ANXA4: variants seen among roughly 807,000 people sequenced by gnomAD.
ANXA4 encodes 35-beta calcimedin.
In ANXA4, 39 loss-of-function variants were observed where a neutral mutation model predicts 49.8. The observed-to-expected ratio is 0.78, with a 90% CI of 0.61 to 1.02. ANXA4 has a LOEUF of 1.02. Ranked by LOEUF, ANXA4 falls within the 50% of genes least tolerant of loss-of-function variation. The pLI is 0.00. For missense variants in ANXA4, 360 were observed against 410.1 expected (o/e 0.88, Z 1.05); for synonymous variants, 134 against 152.5 (o/e 0.88, Z 0.89).
chr2:69,754,527 T>A (rs1670972217), intron 1 of ANXA4, among the ~76,000 whole-genome samples: 1 of 152,150 alleles, frequency 6.6e-6, no homozygotes, highest in Non-Finnish European at 1.5e-5. Flanking sequence ...TCCCAGTAGC[T>A]GAGATTACAG....
intron 1 of ANXA4, among the ~76,000 whole-genome samples, chr2:69,744,308 A>AAAAC (rs565428337): frequency 2.0e-5 from 3 of 152,182 alleles, no homozygotes; most frequent in East Asian, 3.9e-4. Context: ...CCCTGTCTGA[A>AAAAC]AAACAAACAA....
intron 8 of ANXA4, among the ~76,000 whole-genome samples, chr2:69,814,489 C>T (rs1337117241): frequency 1.3e-5 from 2 of 151,498 alleles, no homozygotes; most frequent in Non-Finnish European, 2.9e-5. Flanking sequence ...GGACTACAGG[C>T]GTGTGCCATC....
chr2:69,747,581 A>G (rs1048871221), intron 1 of ANXA4, among the ~76,000 whole-genome samples: 3 of 152,060 alleles, frequency 2.0e-5, no homozygotes, highest in African/African-American at 7.2e-5. Context: ...CACACTTAAC[A>G]TTTTTCGTAC....
chr2:69,771,244 T>G (rs1173881790), intron 1 of ANXA4, among the ~76,000 whole-genome samples: 2 of 152,126 alleles, frequency 1.3e-5, no homozygotes, highest in African/African-American at 4.8e-5. Context: ...AAGGGAGTAT[T>G]AGATGGACAG....
intron 2 of ANXA4, among the ~76,000 whole-genome samples, chr2:69,664,730 C>T (rs1438657592): frequency 1.3e-5 from 2 of 152,176 alleles, no homozygotes; most frequent in Non-Finnish European, 2.9e-5. Flanking sequence ...CTACCTCAAT[C>T]AAGAGATGGC....
intron 1 of ANXA4, among the ~76,000 whole-genome samples, chr2:69,754,940 C>T (rs1336980821): frequency 6.6e-6 from 1 of 152,116 alleles, no homozygotes; most frequent in Non-Finnish European, 1.5e-5. Flanking sequence ...ATGTATCTTC[C>T]CTCCAGGCCT....
rs535621940 is a variant in ANXA4 at position 69,679,380 on chromosome 2, T to A, written n.766+26098T>A. Among the ~76,000 whole-genome samples, 18 of 152,322 alleles carry A rather than the reference T, an allele frequency of 1.2e-4. No individual in the cohort carries two copies. In the South Asian group the frequency reaches 3.7e-3, roughly 32 times the overall value. On this transcript the variant is annotated intron_variant and non_coding_transcript_variant, in intron 2 of 3. Transcript: ENST00000418066. ...AGTGGGATTACTTGAGTTGTTTGAG[T>A]TCCTTGTATAATCTGGATATAATTC...
intron 1 of ANXA4, among the ~76,000 whole-genome samples, chr2:69,752,356 T>C (rs1670878413): frequency 6.6e-6 from 1 of 152,222 alleles, no homozygotes; most frequent in Non-Finnish European, 1.5e-5. Context: ...TTTGCATCTG[T>C]TCCAGTGCCT....
intron 1 of ANXA4, among the ~76,000 whole-genome samples, chr2:69,755,145 C>T (rs1466602112): frequency 6.6e-6 from 1 of 152,112 alleles, no homozygotes; most frequent in Non-Finnish European, 1.5e-5. Flanking sequence ...TAGTCAAACT[C>T]ATAGAGACAG....
intron 2 of ANXA4, among the ~76,000 whole-genome samples, chr2:69,706,173 GGTTT>G (rs1437722579): frequency 1.3e-5 from 2 of 148,162 alleles, no homozygotes; most frequent in East Asian, 2.0e-4. Flanking sequence ...TTTTGATTTT[GGTTT>G]GTTTGTTAAA....
At chr2:69,690,997 T>C (rs1192045150) in intron 2 of ANXA4, among the ~76,000 whole-genome samples, 3 of 152,214 alleles carry the variant, frequency 2.0e-5, no homozygotes. Flanking sequence ...ATTCTAGAGA[T>C]GAAGGCTGTG....
chr2:69,781,974 G>T (rs1411694171), intron 2 of ANXA4, among the ~76,000 whole-genome samples: 5 of 152,206 alleles, frequency 3.3e-5, no homozygotes, highest in African/African-American at 1.2e-4. Context: ...ATCAAGAGGG[G>T]TGTTTCTTAA....
intron 2 of ANXA4, among the ~76,000 whole-genome samples, chr2:69,665,816 G>T (rs948085429): frequency 2.6e-5 from 4 of 152,186 alleles, no homozygotes; most frequent in African/African-American, 9.7e-5. Context: ...ATGGGGGAAA[G>T]CATGTGCAAG....
intron 3 of ANXA4, among the ~76,000 whole-genome samples, chr2:69,724,278 G>A (rs1241021558): frequency 2.0e-5 from 3 of 152,218 alleles, no homozygotes; most frequent in Non-Finnish European, 2.9e-5. Flanking sequence ...GCCAGGAGAA[G>A]GTACTATTGC....
chr2:69,811,783 A>C (rs1196980855), intron 7 of ANXA4, among the ~76,000 whole-genome samples: 1 of 152,128 alleles, frequency 6.6e-6, no homozygotes, highest in Non-Finnish European at 1.5e-5. Flanking sequence ...CCTGGAAATC[A>C]TCTCCAATTT....
At chr2:69,731,672 AT>A in intron 3 of ANXA4, among the ~76,000 whole-genome samples, 1 of 151,700 alleles carries the variant, frequency 6.6e-6, no homozygotes, top group Non-Finnish European at 1.5e-5. Context: ...CAATAATTGA[AT>A]TAAAAAAGGC....
In ANXA4 at chr2:69,814,370, G is replaced by A. The variant is rs148613188; in HGVS notation, c.534+1661G>A. ...TTTTTTTTTTTTTTTTTTTGAGATA[G>A]GGTCTTGCTCTGTCTCCCAGGCTGT... On this transcript the variant is annotated intron_variant, in intron 8 of 12. Transcript: ENST00000394295. Among the ~76,000 whole-genome samples, 578 of 111,418 alleles carry A rather than the reference G, an allele frequency of 5.2e-3. 2 individuals carry two copies. Among genetic ancestry groups the A allele is most frequent in the African/African-American group, 0.021 (551 of 25,770 alleles). The allele number at this position is 111,418 out of a possible 152,430, so 73.1% of individuals were successfully genotyped here. A position where few individuals can be genotyped will look rare whatever the true frequency, so the allele number is the denominator to read the frequency against.
chr2:69,820,820 A>G lies in ANXA4; in HGVS notation c.905A>G (p.Lys302Arg). The part of the protein sequence containing the change: ...LYGKSLYSFI[K>R]GDTSGDYRKV... ...GGAAAGTCTCTGTACTCGTTCATCAAGGTAGGTCACAGCAGCCTAAGTCCA... is the reference window on the plus strand; with the variant it reads ...GGAAAGTCTCTGTACTCGTTCATCAGGGTAGGTCACAGCAGCCTAAGTCCA... The change falls in exon 12 of 13, where the codon AAG becomes AGG. Residue 302 changes from lysine (K) to arginine (R), a missense_variant and splice_region_variant. Coordinates refer to ENST00000394295, the MANE Select transcript of ANXA4 (RefSeq NM_001153.5). 6.2e-7 allele frequency: 1 copy of G among 1,613,898 alleles called. No individual in the cohort carries two copies. Among genetic ancestry groups the G allele is most frequent in the South Asian group, 1.1e-5 (1 of 91,050 alleles).
At position 69,826,740 on chromosome 2, in the gene ANXA4, C is replaced by T. The variant is rs1349953848; in HGVS notation, c.*1225C>T. 1.3e-5 allele frequency: 2 copies of T among 149,262 alleles called. No homozygotes were observed. Among genetic ancestry groups the T allele is most frequent in the African/African-American group, 5.0e-5 (2 of 40,386 alleles). 9.2% of individuals were successfully genotyped at this position (149,262 alleles called of 1,614,324 possible). A position where few individuals can be genotyped will look rare whatever the true frequency, so the allele number is the denominator to read the frequency against. On this transcript the variant is annotated 3_prime_UTR_variant, in exon 13 of 13. Coordinates refer to ENST00000394295, the MANE Select transcript of ANXA4 (RefSeq NM_001153.5). ...GCAGGAGGCAAAGGTTGCAGTGAGC[C>T]GAGATCACGCCAGCCTGGGCGACAG...
Sources: gnomAD v4.1 joint callset for allele counts (sites outside exome capture counted in the v4.1 genomes callset) on GRCh38, gnomAD v4.1.1 for gene constraint, MANE v1.5 for transcripts, NCBI Gene and HGNC (gene_info 2026-07-23, HGNC 2026-07-21) for gene names.